Variants in SASH1 observed in about 807,000 individuals in gnomAD.
The protein encoded by SASH1 is SAM and SH3 domain-containing protein 1.
Under a neutral mutation model 125.2 loss-of-function variants are expected in SASH1, and 44 were observed. That is an observed-to-expected ratio of 0.35 (90% CI 0.28 to 0.45). The LOEUF is 0.45. SASH1 is among the 20% of genes least tolerant of loss of function. The probability of loss-of-function intolerance (pLI) is 1.00; values close to 1 mark genes in which losing one functional copy is unlikely to be tolerated. For synonymous variants in SASH1, 639 were observed against 649.1 expected, an observed-to-expected ratio of 0.98 and a Z score of 0.24; for missense variants, 1,426 against 1,614.5, an observed-to-expected ratio of 0.88 and a Z score of 2.00.
chr6:148,411,166 C>CAAAAAAAAAAAAAAAAAAAAAAAAAAAA (rs56342457), intron 2 of SASH1, among the ~76,000 whole-genome samples: 4 of 46,182 alleles, frequency 8.7e-5, no homozygotes, highest in Non-Finnish European at 1.5e-4. Flanking sequence ...ACTCCATCTC[C>CAAAAAAAAAAAAAAAAAAAAAAAAAAAA]AAAAAAAAAA....
intron 1 of SASH1, among the ~76,000 whole-genome samples, chr6:148,370,790 T>G (rs577944037): frequency 2.0e-5 from 3 of 152,276 alleles, no homozygotes; most frequent in Non-Finnish European, 4.4e-5. Context: ...ACCACTGTAC[T>G]TCAGCCTGGG....
chr6:148,460,168 A>G (rs1420588547), intron 4 of SASH1, among the ~76,000 whole-genome samples: 2 of 152,210 alleles, frequency 1.3e-5, no homozygotes, highest in African/African-American at 4.8e-5. Context: ...AACAAAGGTG[A>G]TTGTCAATAG....
intron 4 of SASH1, among the ~76,000 whole-genome samples, chr6:148,462,744 T>G (rs1168859968): frequency 6.6e-6 from 1 of 152,166 alleles, no homozygotes; most frequent in Non-Finnish European, 1.5e-5. Context: ...TGTCTATCCC[T>G]TAAATAATAG....
chr6:148,359,157 T>C (rs1437841126), intron 1 of SASH1, among the ~76,000 whole-genome samples: 1 of 151,912 alleles, frequency 6.6e-6, no homozygotes, highest in African/African-American at 2.4e-5. Context: ...CTTGTTTCTG[T>C]TTTTGTTTTT....
intron 1 of SASH1, among the ~76,000 whole-genome samples, chr6:148,296,211 C>T (rs988033189): frequency 3.3e-5 from 5 of 152,046 alleles, no homozygotes; most frequent in African/African-American, 7.2e-5. Flanking sequence ...CTGCAACCTC[C>T]GTCTCCCAGG....
At chr6:148,352,422 C>A (rs577157959) in intron 1 of SASH1, among the ~76,000 whole-genome samples, 52 of 151,988 alleles carry the variant, frequency 3.4e-4, no homozygotes, top group African/African-American at 1.1e-3. Context: ...CATAGTGAAA[C>A]CCCATCTCTA....
chr6:148,323,818 C>T (rs2114579763), intron 1 of SASH1, among the ~76,000 whole-genome samples: 1 of 152,136 alleles, frequency 6.6e-6, no homozygotes, highest in African/African-American at 2.4e-5. Flanking sequence ...GAATAGAAGA[C>T]TGAGGCTCTC....
At chr6:148,376,449 A>G (rs935161693) in intron 1 of SASH1, among the ~76,000 whole-genome samples, 31 of 152,284 alleles carry the variant, frequency 2.0e-4, no homozygotes, top group Admixed American at 1.7e-3. Flanking sequence ...AGTAAATAGA[A>G]ACAAACAGGT....
intron 1 of SASH1, among the ~76,000 whole-genome samples, chr6:148,382,288 G>A (rs1455650790): frequency 1.3e-5 from 2 of 152,082 alleles, no homozygotes; most frequent in Admixed American, 6.6e-5. Context: ...TCGGCCATGT[G>A]TGCAGGTCCA....
chr6:148,259,163 C>T, the SASH1 span, among the ~76,000 whole-genome samples: 2 of 152,178 alleles, frequency 1.3e-5, no homozygotes, highest in African/African-American at 4.8e-5. Context: ...AGAGTGGGGG[C>T]ACCTCCTGTT....
At chr6:148,543,530 G>A (rs540323977) in intron 17 of SASH1, 150 bp from the exon 18 acceptor site, 10 of 595,652 alleles carry the variant, frequency 1.7e-5, no homozygotes, top group South Asian at 6.1e-5. Flanking sequence ...TCTATCACCC[G>A]ATGTCATAAA....
intron 2 of SASH1, among the ~76,000 whole-genome samples, chr6:148,422,270 T>C (rs1362255271): frequency 6.6e-6 from 1 of 152,254 alleles, no homozygotes; most frequent in African/African-American, 2.4e-5. Context: ...CATGTGAGCA[T>C]GGAGATGAAC....
intron 1 of SASH1, among the ~76,000 whole-genome samples, chr6:148,292,471 C>T (rs1358909450): frequency 6.6e-6 from 1 of 152,168 alleles, no homozygotes; most frequent in African/African-American, 2.4e-5. Flanking sequence ...TAGCAACATT[C>T]TGCCTTCAGT....
intron 8 of SASH1, chr6:148,512,841 T>G: frequency 1.0e-6 from 1 of 985,296 alleles, no homozygotes; most frequent in Non-Finnish European, 1.2e-6. Flanking sequence ...GAGAAACACT[T>G]CTGTCCTGAT....
intron 1 of SASH1, among the ~76,000 whole-genome samples, chr6:148,380,318 G>T (rs2114781649): frequency 6.6e-6 from 1 of 152,260 alleles, no homozygotes; most frequent in Non-Finnish European, 1.5e-5. Context: ...TTTAACCATA[G>T]TACTAGAAAT....
chr6:148,374,706 G>GC (rs1562361331), intron 1 of SASH1, among the ~76,000 whole-genome samples: 1 of 104,120 alleles, frequency 9.6e-6, no homozygotes, highest in Non-Finnish European at 1.9e-5. Flanking sequence ...ATTTTTTTTG[G>GC]GGGGGGGGGA....
intron 1 of SASH1, among the ~76,000 whole-genome samples, chr6:148,321,501 G>A (rs1780633397): frequency 6.6e-6 from 1 of 152,014 alleles, no homozygotes; most frequent in Non-Finnish European, 1.5e-5. Context: ...AGATTGCTGT[G>A]CTTAAAAATA....
At chr6:148,380,431 T>G (rs1203828113) in intron 1 of SASH1, among the ~76,000 whole-genome samples, 2 of 152,212 alleles carry the variant, frequency 1.3e-5, no homozygotes, top group African/African-American at 4.8e-5. Context: ...GCCTCACGTT[T>G]GTGTGCCAAA....
At chr6:148,534,204 C>T (rs558297708) in intron 15 of SASH1, among the ~76,000 whole-genome samples, 1 of 152,190 alleles carries the variant, frequency 6.6e-6, no homozygotes. Flanking sequence ...ATAGCGTAAG[C>T]CCCGGGTCAA....
Sources: allele counts gnomAD v4.1 joint callset (sites outside exome capture counted in the v4.1 genomes callset), GRCh38; gene constraint gnomAD v4.1.1; transcripts MANE v1.5; gene names NCBI Gene and HGNC (gene_info 2026-07-23, HGNC 2026-07-21).